KMT2B: variants seen among roughly 807,000 people sequenced by gnomAD.
The protein encoded by KMT2B is lysine methyltransferase 2B.
Under a neutral mutation model 255.3 loss-of-function variants are expected in KMT2B, and 22 were observed. The ratio of observed to expected loss-of-function variants is 0.09; its 90% CI spans 0.06 to 0.12. KMT2B has a LOEUF of 0.12. KMT2B is among the 10% of genes least tolerant of loss of function. The pLI is 1.00. For missense variants in KMT2B, 3,149 were observed against 3,737.0 expected, an observed-to-expected ratio of 0.84 and a Z score of 4.10; for synonymous variants, 1,730 against 1,498.1, an observed-to-expected ratio of 1.15 and a Z score of -3.57.
At chr19:35,729,319 G>A (rs1164476765) in intron 22 of KMT2B, 23 bp downstream of exon 22, 1 of 1,576,790 alleles carries the variant, frequency 6.3e-7, no homozygotes, top group Admixed American at 1.8e-5. Flanking sequence ...GCGCAGAGAG[G>A]TGGACAGCTC....
Position 35,732,906 on chromosome 19 carries a change from G to T in KMT2B, c.6357G>T (p.Lys2119Asn). 1.2e-6 allele frequency: 2 copies of T among 1,609,880 alleles called. No homozygotes were observed. The highest frequency in any genetic ancestry group is 1.7e-6 in the Non-Finnish European group (2 of 1,178,668). ...CGGAAATTGTGGATTTTGTGTTGAA[G>T]AACCTAGGGGGTCCTGGGGATGGAG... ...LPSEIVDFVLKNLGGPGDGGA... is the reference protein window; with the variant it reads ...LPSEIVDFVLNNLGGPGDGGA... The change falls in exon 28 of 37, where the codon AAG (lysine) becomes AAT (asparagine). Residue 2119 changes from lysine to asparagine, a missense_variant. Physicochemically the swap from Lys to Asn is moderately conservative, Grantham distance 94. Transcript: ENST00000420124.
rs200295910 is a variant in KMT2B, at chr19:35,727,870, C to A, written c.4393-11C>A. 6 of 1,610,230 alleles carry A rather than the reference C, an allele frequency of 3.7e-6. No individual in the cohort carries two copies. In the African/African-American group the frequency reaches 4.0e-5, roughly 11 times the overall value. Reference sequence around the variant, plus strand: ...CAGAGGGGACTCAGTCTCTGACAAACCCCCTTACAGCACAGCTTCATGGAG... The same window carrying A: ...CAGAGGGGACTCAGTCTCTGACAAAACCCCTTACAGCACAGCTTCATGGAG... On this transcript the variant is annotated splice_polypyrimidine_tract_variant and intron_variant, in intron 17 of 36. Transcript: ENST00000420124. The surrounding 1 kb of genome is among the most constrained non-coding windows in gnomAD (Gnocchi z 4.2).
chr19:35,724,898 G>GATCAGGGTCTGA, intron 9 of KMT2B, 91 bp from the exon 10 acceptor site: 1 of 1,173,752 alleles, frequency 8.5e-7, no homozygotes, highest in East Asian at 2.4e-5. Context: ...TCAGGGTCTG[G>GATCAGGGTCTGA]GTCCAGTAGG....
Position 35,724,707 on chromosome 19 carries a change from C to T in KMT2B, c.3405C>T (p.Leu1135=), listed in dbSNP as rs1315306655. Residue 1135 remains leucine (L), a synonymous_variant, in exon 9 of 37, where the codon CTC becomes CTT. Transcript: ENST00000420124. ...CTACCCTGCAGCCTGTGTTGCAGCT[C>T]AAGGCCCGAAGGCGCCTGGACAAGG... The part of the protein sequence containing the change: ...RKPTLQPVLQ[L]KARRRLDKDA... The T allele has an allele frequency of 4.4e-6, 7 of 1,595,374 alleles. No homozygotes were observed. The Admixed American group carries it at 1.0e-4, about 24-fold the overall frequency.
intron 13 of KMT2B, among the ~76,000 whole-genome samples, chr19:35,726,020 A>G (rs948687841): frequency 6.6e-6 from 1 of 152,182 alleles, no homozygotes; most frequent in Admixed American, 6.5e-5. Flanking sequence ...GGGGCTTATG[A>G]ATCTCACATT....
At chr19:35,734,342 G>A (rs528219885) in intron 30 of KMT2B, among the ~76,000 whole-genome samples, 4 of 152,290 alleles carry the variant, frequency 2.6e-5, no homozygotes, top group East Asian at 3.9e-4. Context: ...GGAGTCTAGC[G>A]TTGGTGTCCA....
rs536433571 is a variant in KMT2B, at chr19:35,718,434, C to G, written c.363+53C>G. The G allele has an allele frequency of 2.1e-4, 253 of 1,225,098 alleles. 1 individual carries two copies. The East Asian group carries it at 6.1e-3, about 29-fold the overall frequency. The allele number at this position is 1,225,098 out of a possible 1,614,324, so 75.9% of individuals were successfully genotyped here. ...CCGGGTGGGGCGGAGGCCGGGGCTTCCAGGGGTCTGGGTTGTCCCGGGGGC... is the reference window on the plus strand; with the variant it reads ...CCGGGTGGGGCGGAGGCCGGGGCTTGCAGGGGTCTGGGTTGTCCCGGGGGC... On this transcript the variant is annotated intron_variant, in intron 1 of 36. Coordinates refer to ENST00000420124, the MANE Select transcript of KMT2B (RefSeq NM_014727.3). This position sits in a 1 kb window ranked among gnomAD's most constrained non-coding sequence, Gnocchi z 5.0.
rs766608261 is a variant in KMT2B, at chr19:35,730,453, G to C, written c.5188G>C (p.Val1730Leu). The C allele has an allele frequency of 6.2e-7, 1 of 1,613,794 alleles. No homozygotes were observed. Among genetic ancestry groups the C allele is most frequent in the South Asian group, 1.1e-5 (1 of 91,082 alleles). ...LTGLEPDAIN[V>L]LIGSIRIDSL... ...GGGGCTTGAACCCGATGCCATCAAC[G>C]TGCTCATTGGTAAGCTGCCTGCTCT... The change falls in exon 24 of 37, where the codon GTG becomes CTG. Residue 1730 changes from valine to leucine, a missense_variant. Around this residue, in one of 18 missense-constraint regions of KMT2B, gnomAD observed 58 missense variants for 96.9 expected, o/e 0.60. Transcript: ENST00000420124.
In KMT2B at chr19:35,730,002, G is replaced by A. The variant is rs778813666; in HGVS notation, c.4953G>A (p.Val1651=). Reference sequence around the variant, plus strand: ...TCTGCCTGAAGCCTGGCGCCACGGTGGGCTGCTGCCTGTCCTCCTGCCTCA... The same window carrying A: ...TCTGCCTGAAGCCTGGCGCCACGGTAGGCTGCTGCCTGTCCTCCTGCCTCA... The part of the protein sequence containing the change: ...CELCLKPGAT[V]GCCLSSCLSN... Residue 1651 remains valine, a synonymous_variant, in exon 23 of 37, where the codon GTG becomes GTA. Transcript: ENST00000420124. 2 of 1,613,506 alleles carry A rather than the reference G, an allele frequency of 1.2e-6. No homozygotes were observed. The highest frequency in any genetic ancestry group is 2.7e-5 in the African/African-American group (2 of 74,940).
Position 35,724,715 on chromosome 19 carries a change from G to A in KMT2B, c.3413G>A (p.Arg1138Gln), listed in dbSNP as rs757308869. The A allele has an allele frequency of 4.2e-5, 67 of 1,591,040 alleles. No individual in the cohort carries two copies. Among genetic ancestry groups the A allele is most frequent in the Non-Finnish European group, 5.1e-5 (60 of 1,169,288 alleles). ...CAGCCTGTGTTGCAGCTCAAGGCCC[G>A]AAGGCGCCTGGACAAGGTCAGCACG... ...TLQPVLQLKARRRLDKDALAP... is the reference protein window; with the variant it reads ...TLQPVLQLKAQRRLDKDALAP... The change falls in exon 9 of 37, where the codon CGA (arginine) becomes CAA (glutamine). Residue 1138 changes from arginine (R) to glutamine (Q), a missense_variant. This residue lies in a region of KMT2B where 136 missense variants were observed against 137.3 expected (regional missense o/e 0.99). Transcript: ENST00000420124.
chr19:35,727,051 G>A lies in KMT2B; in HGVS notation c.4004-105G>A. On this transcript the variant is annotated intron_variant, in intron 14 of 36. Coordinates refer to ENST00000420124, the MANE Select transcript of KMT2B (RefSeq NM_014727.3). The surrounding 1 kb of genome is among the most constrained non-coding windows in gnomAD (Gnocchi z 4.2). ...TAGGGACTAGTAGGGGCCCAAAACAGGGGCATAGTGGAGGCAGCTAAGGTA... is the reference window on the plus strand; with the variant it reads ...TAGGGACTAGTAGGGGCCCAAAACAAGGGCATAGTGGAGGCAGCTAAGGTA... The A allele has an allele frequency of 1.4e-6, 1 of 696,350 alleles. No homozygotes were observed. The highest frequency in any genetic ancestry group is 2.4e-6 in the Non-Finnish European group (1 of 413,158). The allele number at this position is 696,350 out of a possible 1,614,324, so 43.1% of individuals were successfully genotyped here. A position where few individuals can be genotyped will look rare whatever the true frequency, so the allele number is the denominator to read the frequency against.
chr19:35,733,098 C>A lies in KMT2B; in HGVS notation c.6549C>A (p.Pro2183=). 1 of 1,568,284 alleles carries A rather than the reference C, an allele frequency of 6.4e-7. No individual in the cohort carries two copies. Among genetic ancestry groups the A allele is most frequent in the East Asian group, 2.4e-5 (1 of 42,006 alleles). ...TAAGCCTTGGCCCTGCCCCTGAGCCCCCCAAACCCGCCACATCCAAAATCA... is the reference window on the plus strand; with the variant it reads ...TAAGCCTTGGCCCTGCCCCTGAGCCACCCAAACCCGCCACATCCAAAATCA... ...RVLSLGPAPE[P]PKPATSKIIL... Residue 2183 remains proline (P), a synonymous_variant, in exon 28 of 37, where the codon CCC becomes CCA. Transcript: ENST00000420124. This position sits in a 1 kb window ranked among gnomAD's most constrained non-coding sequence, Gnocchi z 4.3.
chr19:35,722,829 G>T lies in KMT2B; in HGVS notation c.2722+111G>T. ...AGCCAAGTCAGGTGCTCAGGGGTTA[G>T]GTGGCAAGTGGGCTGGAGTGCTAGG... On this transcript the variant is annotated intron_variant, in intron 5 of 36. Coordinates refer to ENST00000420124, the MANE Select transcript of KMT2B (RefSeq NM_014727.3). 3 of 1,448,516 alleles carry T rather than the reference G, an allele frequency of 2.1e-6. No individual in the cohort carries two copies. In the South Asian group the frequency reaches 4.3e-5, roughly 21 times the overall value. The allele number at this position is 1,448,516 out of a possible 1,614,324, so 89.7% of individuals were successfully genotyped here.
rs1969264094 is a variant in KMT2B, at chr19:35,722,561, C to T, written c.2572-7C>T. The T allele has an allele frequency of 3.1e-6, 5 of 1,599,702 alleles. No homozygotes were observed. Among genetic ancestry groups the T allele is most frequent in the Non-Finnish European group, 4.3e-6 (5 of 1,174,178 alleles). On this transcript the variant is annotated splice_polypyrimidine_tract_variant and splice_region_variant and intron_variant, in intron 4 of 36. Transcript: ENST00000420124. ...GCTGCCCACACACACTCCGATTTCT[C>T]CCCCAGGGTCCCGAGTCCCCTGTGC...
In KMT2B at chr19:35,730,783, C is replaced by T; in HGVS notation, c.5353C>T (p.Pro1785Ser). 6.2e-7 allele frequency: 1 copy of T among 1,613,788 alleles called. No individual in the cohort carries two copies. Among genetic ancestry groups the T allele is most frequent in the Non-Finnish European group, 8.5e-7 (1 of 1,179,870 alleles). The part of the protein sequence containing the change: ...WYRCRILEYR[P>S]WGPREEPAHL... ...TCGGTGCCGAATTCTGGAGTATCGG[C>T]CATGGGGGCCGAGGGAAGAGCCAGC... Residue 1785 changes from proline (P) to serine (S), a missense_variant, in exon 26 of 37, where the codon CCA (proline) becomes TCA (serine). Pro to Ser is a moderately conservative substitution (Grantham distance 74, BLOSUM62 -1). Coordinates refer to ENST00000420124, the MANE Select transcript of KMT2B (RefSeq NM_014727.3).
In KMT2B at chr19:35,725,700, A is replaced by C. The variant is rs1288271075; in HGVS notation, c.3790-23A>C. 6.2e-7 allele frequency: 1 copy of C among 1,613,060 alleles called. No individual in the cohort carries two copies. The highest frequency in any genetic ancestry group is 8.5e-7 in the Non-Finnish European group (1 of 1,179,528). ...CATCCCTGTGCCAGCAGGTTTCGCC[A>C]TCTCTGTCTCCACATCCAACAGCAC... On this transcript the variant is annotated intron_variant, in intron 12 of 36. Transcript: ENST00000420124. This position sits in a 1 kb window ranked among gnomAD's most constrained non-coding sequence, Gnocchi z 4.1.
rs368503863 is a variant in KMT2B at position 35,725,696 on chromosome 19, C to G, written c.3790-27C>G. 2.8e-5 allele frequency: 45 copies of G among 1,612,822 alleles called. No homozygotes were observed. Among genetic ancestry groups the G allele is most frequent in the Middle Eastern group, 3.3e-4 (2 of 6,082 alleles). On this transcript the variant is annotated intron_variant, in intron 12 of 36. Coordinates refer to ENST00000420124, the MANE Select transcript of KMT2B (RefSeq NM_014727.3). The surrounding 1 kb of genome is among the most constrained non-coding windows in gnomAD (Gnocchi z 4.1). ...AGGGCATCCCTGTGCCAGCAGGTTT[C>G]GCCATCTCTGTCTCCACATCCAACA...
Position 35,722,643 on chromosome 19 carries a change from C to T in KMT2B, c.2647C>T (p.Arg883Trp), listed in dbSNP as rs762042908. Residue 883 changes from arginine (R) to tryptophan (W), a missense_variant, in exon 5 of 37, where the codon CGG becomes TGG. Around this residue, in one of 18 missense-constraint regions of KMT2B, gnomAD observed 132 missense variants for 174.7 expected, o/e 0.76. Coordinates refer to ENST00000420124, the MANE Select transcript of KMT2B (RefSeq NM_014727.3). Reference protein sequence around the residue: ...RHAAVALGQARAMVPEDVPRL... With the variant: ...RHAAVALGQAWAMVPEDVPRL... ...TGCTGCTGTGGCCCTGGGTCAGGCC[C>T]GGGCCATGGTGCCTGAAGATGTCCC... is the stretch of plus-strand genomic sequence containing the variant. 13 of 1,612,678 alleles carry T rather than the reference C, an allele frequency of 8.1e-6. No individual in the cohort carries two copies. The highest frequency in any genetic ancestry group is 3.3e-5 in the South Asian group (3 of 90,970).
rs915767876 is a variant in KMT2B at position 35,718,970 on chromosome 19, T to A, written c.364-499T>A. Among the ~76,000 whole-genome samples, 4 of 152,114 alleles carry A rather than the reference T, an allele frequency of 2.6e-5. No individual in the cohort carries two copies. The highest frequency in any genetic ancestry group is 5.9e-5 in the Non-Finnish European group (4 of 68,000). On this transcript the variant is annotated intron_variant, in intron 1 of 36. Transcript: ENST00000420124. This position sits in a 1 kb window ranked among gnomAD's most constrained non-coding sequence, Gnocchi z 5.0. ...GCCTTTCAGAACAGGCAGGAAGGTG[T>A]GGGTTGCGTTGCCCTGGACGGTTAA...
Sources: allele counts gnomAD v4.1 joint callset (sites outside exome capture counted in the v4.1 genomes callset), GRCh38; gene constraint gnomAD v4.1.1; regional missense constraint gnomAD v4.1.1; non-coding constraint Gnocchi (gnomAD v3.1); transcripts MANE v1.5; gene names NCBI Gene and HGNC (gene_info 2026-07-23, HGNC 2026-07-21).